CADPS: variants seen among roughly 807,000 people sequenced by gnomAD.
The protein encoded by CADPS is calcium-dependent secretion activator 1.
Under a neutral mutation model 167.3 loss-of-function variants are expected in CADPS, and 57 were observed. The ratio of observed to expected loss-of-function variants is 0.34; its 90% CI spans 0.28 to 0.42. The LOEUF is 0.42. Ranked by LOEUF, CADPS falls within the 20% of genes least tolerant of loss-of-function variation. The pLI is 1.00. For missense variants in CADPS, 1,414 were observed against 1,738.1 expected, an observed-to-expected ratio of 0.81 and a Z score of 3.32; for synonymous variants, 676 against 635.3, an observed-to-expected ratio of 1.06 and a Z score of -0.96.
intron 3 of CADPS, among the ~76,000 whole-genome samples, chr3:62,745,658 G>C (rs1010453069): frequency 2.0e-5 from 3 of 152,148 alleles, no homozygotes; most frequent in African/African-American, 7.2e-5. Flanking sequence ...ATGAATTCAG[G>C]CTGAATACTG....
chr3:62,475,584 G>GAAAAAAA lies in CADPS; in HGVS notation c.3330-1271_3330-1265dup, dbSNP rs34263556. 8.9e-4 allele frequency among the ~76,000 whole-genome samples: 50 copies of GAAAAAAA among 55,924 alleles called. 1 individual carries two copies. Among genetic ancestry groups the GAAAAAAA allele is most frequent in the African/African-American group, 3.3e-3 (43 of 12,994 alleles). 36.7% of individuals were successfully genotyped at this position (55,924 alleles called of 152,430 possible). On this transcript the variant is annotated intron_variant, in intron 23 of 29. Transcript: ENST00000383710. Reference sequence around the variant, plus strand: ...CTAAGGTTGGGAGCCCAGTTCTTAAGAAAAAAAAAAAAAAAAAAAAAAAAA... The same window carrying GAAAAAAA: ...CTAAGGTTGGGAGCCCAGTTCTTAAGAAAAAAAAAAAAAAAAAAAAAAAAAAAAAAAA...
intron 1 of CADPS, among the ~76,000 whole-genome samples, chr3:62,792,197 T>A (rs982852273): frequency 3.4e-5 from 5 of 146,248 alleles, no homozygotes; most frequent in Non-Finnish European, 7.4e-5. Context: ...TGAAGGTGTT[T>A]AACTTTTTTT....
intron 1 of CADPS, among the ~76,000 whole-genome samples, chr3:62,792,248 A>C (rs1330414356): frequency 2.0e-5 from 3 of 150,188 alleles, no homozygotes; most frequent in Non-Finnish European, 4.4e-5. Flanking sequence ...CCCAGGCTGG[A>C]GTGCAATGGT....
chr3:62,749,492 G>A (rs931756635), intron 3 of CADPS, among the ~76,000 whole-genome samples: 6 of 152,202 alleles, frequency 3.9e-5, no homozygotes, highest in African/African-American at 1.2e-4. Flanking sequence ...AAATTGCTTT[G>A]TTTGGTAAGG....
intron 3 of CADPS, among the ~76,000 whole-genome samples, chr3:62,672,702 C>T (rs759841516): frequency 1.3e-5 from 2 of 152,142 alleles, no homozygotes; most frequent in Non-Finnish European, 2.9e-5. Flanking sequence ...TAGCTCACTG[C>T]AGCCTTGACC....
chr3:62,576,149 ACT>A (rs1205599770), intron 8 of CADPS, among the ~76,000 whole-genome samples: 1 of 152,028 alleles, frequency 6.6e-6, no homozygotes, highest in African/African-American at 2.4e-5. Context: ...GTGGCCCTGA[ACT>A]CTCTGTTTTC....
chr3:62,566,600 T>C (rs375569445), intron 9 of CADPS, among the ~76,000 whole-genome samples: 2 of 143,938 alleles, frequency 1.4e-5, no homozygotes, highest in Admixed American at 7.0e-5. Context: ...GAAGAAAAAA[T>C]GGAAAGAATT....
chr3:62,459,112 GAT>G (rs1340116760), intron 26 of CADPS, among the ~76,000 whole-genome samples: 5 of 152,204 alleles, frequency 3.3e-5, no homozygotes, highest in Admixed American at 3.3e-4. Flanking sequence ...GAAAGAAACT[GAT>G]AGAAGATATA....
intron 3 of CADPS, among the ~76,000 whole-genome samples, chr3:62,688,580 G>C (rs1227101536): frequency 6.6e-6 from 1 of 152,050 alleles, no homozygotes; most frequent in Non-Finnish European, 1.5e-5. Context: ...CATCTGCTCT[G>C]CCAGTTGCCA....
At chr3:62,624,492 T>C (rs1016525167) in intron 6 of CADPS, among the ~76,000 whole-genome samples, 4 of 152,156 alleles carry the variant, frequency 2.6e-5, no homozygotes, top group East Asian at 3.9e-4. Flanking sequence ...GCTGGTAATA[T>C]ATTTTTTTTA....
chr3:62,806,539 A>G (rs955392465), intron 1 of CADPS, among the ~76,000 whole-genome samples: 1 of 152,086 alleles, frequency 6.6e-6, no homozygotes, highest in African/African-American at 2.4e-5. Flanking sequence ...CCAAATAAAT[A>G]AAAAGAAACA....
intron 1 of CADPS, among the ~76,000 whole-genome samples, chr3:62,804,511 A>G (rs1181566392): frequency 6.6e-6 from 1 of 151,902 alleles, no homozygotes; most frequent in African/African-American, 2.4e-5. Flanking sequence ...AATTCCACTG[A>G]CCTAGTTTAG....
intron 9 of CADPS, 76 bp downstream of exon 9, chr3:62,570,796 C>A: frequency 1.0e-6 from 1 of 967,948 alleles, no homozygotes. Flanking sequence ...TTAAGTTATA[C>A]CTCAGTTAAA....
chr3:62,642,958 A>C (rs574836388), intron 6 of CADPS, among the ~76,000 whole-genome samples: 108 of 144,322 alleles, frequency 7.5e-4, no homozygotes, highest in Admixed American at 2.9e-3. Context: ...AAAACAAAAC[A>C]AAACCCAAAC....
rs142474200 is a variant in CADPS at position 62,504,712 on chromosome 3, C to A, written c.2600-5444G>T. On this transcript the variant is annotated intron_variant, in intron 17 of 29. Transcript: ENST00000383710. ...AAAAACATCATACCTTGGTTTCCAA[C>A]TTCATTTACCCAATTACCATTGCTC... Among the ~76,000 whole-genome samples the A allele has an allele frequency of 1.1e-4, 17 of 152,226 alleles. No homozygotes were observed. The East Asian group carries it at 3.3e-3, about 29-fold the overall frequency.
At chr3:62,507,056 T>G (rs905245091) in intron 17 of CADPS, among the ~76,000 whole-genome samples, 1 of 152,220 alleles carries the variant, frequency 6.6e-6, no homozygotes, top group African/African-American at 2.4e-5. Context: ...TTGCTTAGGC[T>G]ATTTGAGTTC....
At chr3:62,852,186 T>A (rs1313499622) in intron 1 of CADPS, among the ~76,000 whole-genome samples, 1 of 150,810 alleles carries the variant, frequency 6.6e-6, no homozygotes, top group Non-Finnish European at 1.5e-5. Context: ...CTAAATTTTT[T>A]TCAAAGTTTT....
intron 9 of CADPS, among the ~76,000 whole-genome samples, chr3:62,559,326 A>C (rs1046736770): frequency 6.6e-6 from 1 of 152,152 alleles, no homozygotes; most frequent in African/African-American, 2.4e-5. Flanking sequence ...GGTTCTAGAA[A>C]GTTGAGTACA....
intron 10 of CADPS, among the ~76,000 whole-genome samples, chr3:62,551,434 A>T (rs1057278012): frequency 4.6e-5 from 7 of 152,160 alleles, no homozygotes; most frequent in Non-Finnish European, 5.9e-5. Flanking sequence ...TCATCCCTGG[A>T]TTATTTTAAT....
Sources: gnomAD v4.1 joint callset for allele counts (sites outside exome capture counted in the v4.1 genomes callset) on GRCh38, gnomAD v4.1.1 for gene constraint, MANE v1.5 for transcripts, NCBI Gene and HGNC (gene_info 2026-07-23, HGNC 2026-07-21) for gene names.